The following TBC1D4 variants were observed in gnomAD, a reference collection of about 807,000 sequenced individuals.
TBC1D4 encodes TBC1 domain family member 4.
TBC1D4 carries 121 observed loss-of-function variants against 142.5 expected under a neutral mutation model. The ratio of observed to expected loss-of-function variants is 0.85; its 90% CI spans 0.73 to 0.99. The LOEUF is 0.99. Among genes scored for constraint, TBC1D4 ranks in the 50% least tolerant of loss-of-function variants. TBC1D4 has a pLI of 0.00. For missense variants in TBC1D4, 1,475 were observed against 1,606.6 expected, an observed-to-expected ratio of 0.92 and a Z score of 1.40; for synonymous variants, 630 against 628.2, an observed-to-expected ratio of 1.00 and a Z score of -0.04.
intron 1 of TBC1D4, among the ~76,000 whole-genome samples, chr13:75,398,860 T>C (rs1167998041): frequency 6.6e-6 from 1 of 152,128 alleles, no homozygotes; most frequent in Non-Finnish European, 1.5e-5. Context: ...CCAGACCCAC[T>C]TATCTAGACA....
In TBC1D4 at chr13:75,324,171, T is replaced by C. The variant is rs560111351; in HGVS notation, c.2198+66A>G. On this transcript the variant is annotated intron_variant, in intron 11 of 20. Transcript: ENST00000377636. ...TCACTCCAAAATTAATCAACCACTT[T>C]TTAGTAACATATCAGTATATCACTG... The C allele has an allele frequency of 1.6e-5, 26 of 1,588,322 alleles. No homozygotes were observed. In the African/African-American group the frequency reaches 3.4e-4, roughly 21 times the overall value.
chr13:75,447,902 T>C (rs757947890), intron 1 of TBC1D4, among the ~76,000 whole-genome samples: 3 of 152,038 alleles, frequency 2.0e-5, no homozygotes, highest in Non-Finnish European at 4.4e-5. Flanking sequence ...GGCTGTCTAG[T>C]TGCAAAAAAA....
In TBC1D4 at chr13:75,334,069, T is replaced by C. The variant is rs149756275; in HGVS notation, c.1731+2852A>G. Among the ~76,000 whole-genome samples the C allele has an allele frequency of 2.7e-3, 404 of 152,294 alleles. 3 individuals carry two copies. The highest frequency in any genetic ancestry group is 9.2e-3 in the African/African-American group (381 of 41,560). Reference sequence around the variant, plus strand: ...AGCCTTCTCCATTGTAAAGTTATTTTCCCATTAGTAATTAATAAATATTAA... The same window carrying C: ...AGCCTTCTCCATTGTAAAGTTATTTCCCCATTAGTAATTAATAAATATTAA... On this transcript the variant is annotated intron_variant, in intron 8 of 20. Coordinates refer to ENST00000377636, the MANE Select transcript of TBC1D4 (RefSeq NM_014832.5).
rs1197915440 is a variant in TBC1D4, at chr13:75,310,096, C to T, written c.2439G>A (p.Glu813=). Residue 813 remains glutamate, a synonymous_variant, in exon 14 of 21, where the codon GAG becomes GAA. Transcript: ENST00000377636. ...LPLSPLSPTM[E]EEPLVVFLSG... ...ACAGGAATACAACCAGCGGTTCCTC[C>T]TCCATGGTTGGAGAGAGGGGGGACA... 1.9e-6 allele frequency: 3 copies of T among 1,614,100 alleles called. No homozygotes were observed. The highest frequency in any genetic ancestry group is 2.5e-6 in the Non-Finnish European group (3 of 1,180,008).
intron 1 of TBC1D4, among the ~76,000 whole-genome samples, chr13:75,391,057 CACACACACACACACACAA>C (rs1236521171): frequency 1.3e-5 from 2 of 150,850 alleles, no homozygotes; most frequent in Non-Finnish European, 3.0e-5. Flanking sequence ...CACACACACA[CACACACACACACACACAA>C]ACAACTTGTA....
chr13:75,295,307 C>T (rs1875796143), intron 17 of TBC1D4, among the ~76,000 whole-genome samples: 2 of 152,142 alleles, frequency 1.3e-5, no homozygotes, highest in South Asian at 2.1e-4. Context: ...GGAGGCATTG[C>T]TTTTGGAATT....
At chr13:75,413,522 T>G (rs949069193) in intron 1 of TBC1D4, among the ~76,000 whole-genome samples, 5 of 152,222 alleles carry the variant, frequency 3.3e-5, no homozygotes, top group African/African-American at 1.2e-4. Context: ...GCTTATCAGC[T>G]ATCCTTATTG....
intron 1 of TBC1D4, among the ~76,000 whole-genome samples, chr13:75,426,167 C>T (rs923219724): frequency 1.3e-5 from 2 of 151,662 alleles, no homozygotes; most frequent in Non-Finnish European, 2.9e-5. Context: ...TAAAAATGGC[C>T]GACAGGGATA....
intron 1 of TBC1D4, among the ~76,000 whole-genome samples, chr13:75,449,068 CTGA>C (rs972982397): frequency 1.6e-4 from 24 of 151,698 alleles, no homozygotes; most frequent in Non-Finnish European, 3.1e-4. Flanking sequence ...ATATACATAT[CTGA>C]TGATAATTAT....
rs1398695660 is a variant in TBC1D4, at chr13:75,302,370, C to T, written c.2784G>A (p.Trp928Ter). 1.9e-6 allele frequency: 3 copies of T among 1,613,936 alleles called. No homozygotes were observed. Among genetic ancestry groups the T allele is most frequent in the Non-Finnish European group, 1.7e-6 (2 of 1,180,014 alleles). ...GVPKSRRGEI[W>*]QFLALQYRLR... is the part of the protein sequence containing the mutation. ...GTCGGTACTGTAAAGCCAGAAACTG[C>T]CAAATTTCTCCTCGTCGACTTTTGG... is the stretch of plus-strand genomic sequence containing the variant. The change falls in exon 16 of 21, where the codon TGG becomes TGA. Residue 928 changes from tryptophan to a stop codon, truncating the protein, a stop_gained. Transcript: ENST00000377636. LOFTEE classifies it high-confidence loss of function.
At chr13:75,294,226 A>G (rs1242266593) in intron 18 of TBC1D4, among the ~76,000 whole-genome samples, 1 of 152,192 alleles carries the variant, frequency 6.6e-6, no homozygotes, top group Non-Finnish European at 1.5e-5. Flanking sequence ...TTTATTCCCA[A>G]TGCCAAACAC....
rs1220014793 is a variant in TBC1D4 at position 75,306,417 on chromosome 13, C to T, written c.2648G>A (p.Gly883Asp). The change falls in exon 15 of 21, where the codon GGT becomes GAT. Residue 883 changes from glycine (G) to aspartate (D), a missense_variant. Physicochemically the swap from Gly to Asp is moderately conservative, Grantham distance 94. Coordinates refer to ENST00000377636, the MANE Select transcript of TBC1D4 (RefSeq NM_014832.5). ...RKVKLDYEEV[G>D]ACQKEVLITW... ...TATTAAGACCTCTTTCTGACATGCACCAACTTCTTCATAGTCTAATTTAAC... is the reference window on the plus strand; with the variant it reads ...TATTAAGACCTCTTTCTGACATGCATCAACTTCTTCATAGTCTAATTTAAC... 5 of 1,613,430 alleles carry T rather than the reference C, an allele frequency of 3.1e-6. No homozygotes were observed. Among genetic ancestry groups the T allele is most frequent in the South Asian group, 1.1e-5 (1 of 91,066 alleles).
intron 1 of TBC1D4, among the ~76,000 whole-genome samples, chr13:75,475,251 A>T (rs1888587181): frequency 6.6e-6 from 1 of 152,236 alleles, no homozygotes; most frequent in Admixed American, 6.5e-5. Flanking sequence ...TACATATTTT[A>T]TGCAGACCAT....
intron 1 of TBC1D4, among the ~76,000 whole-genome samples, chr13:75,457,987 T>C (rs1887809595): frequency 6.6e-6 from 1 of 152,106 alleles, no homozygotes; most frequent in Non-Finnish European, 1.5e-5. Context: ...CATAGTAGCA[T>C]CTAGGGGTGT....
chr13:75,340,839 G>T (rs146101709), intron 7 of TBC1D4, among the ~76,000 whole-genome samples: 9 of 152,142 alleles, frequency 5.9e-5, no homozygotes, highest in African/African-American at 1.9e-4. Context: ...CCAGCTACCC[G>T]GGAAGCTGAG....
chr13:75,332,823 A>G (rs530388625), intron 8 of TBC1D4, among the ~76,000 whole-genome samples: 7 of 152,362 alleles, frequency 4.6e-5, no homozygotes, highest in African/African-American at 1.7e-4. Flanking sequence ...GATCTCTATC[A>G]TTAAGAGAAA....
chr13:75,439,648 T>C (rs1886951232), intron 1 of TBC1D4, among the ~76,000 whole-genome samples: 1 of 152,186 alleles, frequency 6.6e-6, no homozygotes, highest in Non-Finnish European at 1.5e-5. Flanking sequence ...GTTTTTGTTG[T>C]TGTCATTGTT....
chr13:75,381,358 A>G (rs1593818580), intron 1 of TBC1D4, among the ~76,000 whole-genome samples: 2 of 152,314 alleles, frequency 1.3e-5, no homozygotes, highest in African/African-American at 4.8e-5. Context: ...CGAAATAACT[A>G]TACCTGGCTT....
chr13:75,371,832 T>C (rs1277209610), intron 1 of TBC1D4, among the ~76,000 whole-genome samples: 1 of 152,206 alleles, frequency 6.6e-6, no homozygotes, highest in East Asian at 1.9e-4. Context: ...AATATTTATA[T>C]AAGGAATAAA....
Sources: gnomAD v4.1 joint callset for allele counts (sites outside exome capture counted in the v4.1 genomes callset) on GRCh38, gnomAD v4.1.1 for gene constraint, MANE v1.5 for transcripts, NCBI Gene and HGNC (gene_info 2026-07-23, HGNC 2026-07-21) for gene names.